DPP10: variants seen among roughly 807,000 people sequenced by gnomAD.
The protein encoded by DPP10 is inactive dipeptidyl peptidase 10.
Under a neutral mutation model 120.9 loss-of-function variants are expected in DPP10, and 33 were observed. That is an observed-to-expected ratio of 0.27 (90% CI 0.21 to 0.37). DPP10 has a LOEUF of 0.37. Among genes scored for constraint, DPP10 ranks in the 10% least tolerant of loss-of-function variants. DPP10 has a pLI of 1.00. For missense variants in DPP10, 816 were observed against 942.8 expected, an observed-to-expected ratio of 0.87 and a Z score of 1.76; for synonymous variants, 337 against 326.1, an observed-to-expected ratio of 1.03 and a Z score of -0.36.
intron 5 of DPP10, among the ~76,000 whole-genome samples, chr2:115,630,312 C>T (rs930916902): frequency 2.5e-4 from 38 of 152,142 alleles, no homozygotes; most frequent in African/African-American, 8.9e-4. Context: ...TAGACTGAGA[C>T]AGTTGGGGTT....
intron 1 of DPP10, among the ~76,000 whole-genome samples, chr2:114,650,312 G>C (rs772423035): frequency 2.0e-5 from 3 of 152,112 alleles, no homozygotes; most frequent in Non-Finnish European, 2.9e-5. Context: ...GAAGGGCAGG[G>C]ATGCCTGTTT....
At chr2:114,752,828 G>C (rs1167011261) in intron 1 of DPP10, among the ~76,000 whole-genome samples, 1 of 152,224 alleles carries the variant, frequency 6.6e-6, no homozygotes, top group Non-Finnish European at 1.5e-5. Context: ...TCACAGGAAA[G>C]GAAAGTAAAA....
chr2:114,966,831 C>T (rs1699068455), intron 1 of DPP10, among the ~76,000 whole-genome samples: 1 of 152,186 alleles, frequency 6.6e-6, no homozygotes, highest in Admixed American at 6.5e-5. Context: ...CACTTGAGGT[C>T]AGGAGTTTGA....
At chr2:115,066,487 T>G (rs1706852033) in intron 1 of DPP10, among the ~76,000 whole-genome samples, 1 of 152,192 alleles carries the variant, frequency 6.6e-6, no homozygotes, top group East Asian at 1.9e-4. Flanking sequence ...GTCTTAAGGG[T>G]CCATTAGATG....
rs535223068 is a variant in DPP10 at position 114,587,255 on chromosome 2, C to T, written c.60+144417C>T. ...GGCGGAGGTTGCAGTGGGCCAAGAT[C>T]GCGCCATTGCACTCCAGCCTGGGCA... On this transcript the variant is annotated intron_variant, in intron 1 of 25. Coordinates refer to ENST00000410059, the MANE Select transcript of DPP10 (RefSeq NM_020868.6). Among the ~76,000 whole-genome samples the T allele has an allele frequency of 9.2e-4, 135 of 146,594 alleles. 1 individual carries two copies. Among genetic ancestry groups the T allele is most frequent in the Non-Finnish European group, 7.9e-4 (53 of 67,328 alleles).
At chr2:115,397,398 A>G (rs1393568318) in intron 3 of DPP10, among the ~76,000 whole-genome samples, 1 of 152,196 alleles carries the variant, frequency 6.6e-6, no homozygotes, top group African/African-American at 2.4e-5. Context: ...TCAAGCACTC[A>G]TTGATAATAT....
intron 1 of DPP10, among the ~76,000 whole-genome samples, chr2:114,695,336 G>T (rs1160985350): frequency 6.6e-6 from 1 of 152,028 alleles, no homozygotes; most frequent in Non-Finnish European, 1.5e-5. Context: ...ATAAACAAAT[G>T]CCATGCAGAT....
At chr2:114,498,213 A>G (rs1009386164) in intron 1 of DPP10, among the ~76,000 whole-genome samples, 2 of 152,296 alleles carry the variant, frequency 1.3e-5, no homozygotes, top group East Asian at 3.9e-4. Context: ...AATGTGCAAC[A>G]CATTGCTGAC....
intron 3 of DPP10, among the ~76,000 whole-genome samples, chr2:115,364,907 G>T (rs1435579101): frequency 6.6e-6 from 1 of 152,024 alleles, no homozygotes; most frequent in Admixed American, 6.6e-5. Context: ...ATAAGTAGTA[G>T]AGGATATTTT....
At chr2:115,625,093 T>TA (rs11377783) in intron 5 of DPP10, among the ~76,000 whole-genome samples, 44,698 of 149,726 alleles carry the variant, frequency 0.3, 8,018 homozygotes, top group African/African-American at 0.51. Context: ...TGCTATTTAA[T>TA]AAAAAAAAAA....
chr2:115,039,688 T>G (rs937557280), intron 1 of DPP10, among the ~76,000 whole-genome samples: 1 of 152,178 alleles, frequency 6.6e-6, no homozygotes, highest in Non-Finnish European at 1.5e-5. Flanking sequence ...ATTTAAAAAA[T>G]TATTCCTAGG....
chr2:114,764,651 A>G (rs1288563724), intron 1 of DPP10, among the ~76,000 whole-genome samples: 1 of 151,984 alleles, frequency 6.6e-6, no homozygotes, highest in Non-Finnish European at 1.5e-5. Flanking sequence ...ATACAAATAT[A>G]TAAAGAAGAT....
At chr2:114,859,548 A>G (rs1355223623) in intron 1 of DPP10, among the ~76,000 whole-genome samples, 1 of 152,234 alleles carries the variant, frequency 6.6e-6, no homozygotes, top group Non-Finnish European at 1.5e-5. Context: ...GGGAATAATC[A>G]AACTAGTAAT....
At chr2:115,723,617 T>TGTTGTTTTCTG (rs200869328) in intron 7 of DPP10, among the ~76,000 whole-genome samples, 20 of 37,806 alleles carry the variant, frequency 5.3e-4, no homozygotes, top group African/African-American at 7.4e-4. Context: ...TTGTTGTTGT[T>TGTTGTTTTCTG]TTTTGTTTTT....
intron 1 of DPP10, among the ~76,000 whole-genome samples, chr2:114,865,741 A>T (rs1690173439): frequency 6.6e-6 from 1 of 152,136 alleles, no homozygotes; most frequent in Non-Finnish European, 1.5e-5. Flanking sequence ...TCTTTTATGA[A>T]CCATTAGTAA....
chr2:115,786,496 G>A (rs1200302039), intron 17 of DPP10, among the ~76,000 whole-genome samples: 1 of 151,482 alleles, frequency 6.6e-6, no homozygotes, highest in African/African-American at 2.4e-5. Flanking sequence ...TGATTCCCTT[G>A]TTTCCTTTAA....
At chr2:114,928,338 C>A (rs149007253) in intron 1 of DPP10, among the ~76,000 whole-genome samples, 2 of 152,186 alleles carry the variant, frequency 1.3e-5, no homozygotes, top group Admixed American at 6.5e-5. Flanking sequence ...GGTAAAGATT[C>A]TCATTCCAAG....
chr2:114,480,833 T>A (rs551379325), intron 1 of DPP10, among the ~76,000 whole-genome samples: 41 of 151,786 alleles, frequency 2.7e-4, no homozygotes, highest in Admixed American at 5.9e-4. Context: ...GTTGTGCACA[T>A]GTACCCTAGA....
At chr2:115,358,870 T>C (rs2106341663) in intron 3 of DPP10, among the ~76,000 whole-genome samples, 1 of 152,168 alleles carries the variant, frequency 6.6e-6, no homozygotes, top group African/African-American at 2.4e-5. Flanking sequence ...AAAAGCCCCT[T>C]ATAGAACCTT....
Sources: allele counts gnomAD v4.1 joint callset (sites outside exome capture counted in the v4.1 genomes callset), GRCh38; gene constraint gnomAD v4.1.1; transcripts MANE v1.5; gene names NCBI Gene and HGNC (gene_info 2026-07-23, HGNC 2026-07-21).